The following FAM178B variants were observed in gnomAD, a reference collection of about 807,000 sequenced individuals.
FAM178B encodes family with sequence similarity 178 member B.
FAM178B carries 82 observed loss-of-function variants against 91.7 expected under a neutral mutation model. That is an observed-to-expected ratio of 0.89 (90% CI 0.75 to 1.07). The LOEUF is 1.07. Ranked by LOEUF, FAM178B falls within the 50% of genes least tolerant of loss-of-function variation. FAM178B has a pLI of 0.00. For missense variants in FAM178B, 769 were observed against 846.7 expected (o/e 0.91, Z 1.14); for synonymous variants, 368 against 359.4 (o/e 1.02, Z -0.27).
At chr2:96,951,346 C>G in intron 7 of FAM178B, 33 bp downstream of exon 7, 1 of 1,501,184 alleles carries the variant, frequency 6.7e-7, no homozygotes, top group Non-Finnish European at 9.1e-7. Flanking sequence ...CTGCAGCGCT[C>G]CCGCCACCTA....
At chr2:96,948,676 C>T (rs1019391983) in intron 7 of FAM178B, among the ~76,000 whole-genome samples, 1 of 152,216 alleles carries the variant, frequency 6.6e-6, no homozygotes. Flanking sequence ...GGGCACATCT[C>T]CTTTCAGGAC....
chr2:96,950,055 C>G (rs1222675768), intron 7 of FAM178B: 1 of 985,596 alleles, frequency 1.0e-6, no homozygotes, highest in Non-Finnish European at 1.2e-6. Flanking sequence ...GGGAAAGAGG[C>G]AGGGGAAGGC....
Position 96,972,132 on chromosome 2 carries a change from G to T in FAM178B, c.333C>A (p.Ser111Arg). Residue 111 changes from serine to arginine, a missense_variant, in exon 3 of 17, where the codon AGC becomes AGA. Physicochemically the swap from Ser to Arg is moderately radical, Grantham distance 110 (BLOSUM62 -1). Transcript: ENST00000490605. ...APGETFPTDW[S>R]PPPVEFLNPR... ...GGTTGAGGAATTCCACGGGCGGGGG[G>T]CTCCAGTCAGTGGGAAACGTTTCCC... 1 of 1,531,696 alleles carries T rather than the reference G, an allele frequency of 6.5e-7. No individual in the cohort carries two copies. Among genetic ancestry groups the T allele is most frequent in the Non-Finnish European group, 8.8e-7 (1 of 1,137,570 alleles). The allele number at this position is 1,531,696 out of a possible 1,614,324, so 94.9% of individuals were successfully genotyped here. A position where few individuals can be genotyped will look rare whatever the true frequency, so the allele number is the denominator to read the frequency against.
intron 8 of FAM178B, among the ~76,000 whole-genome samples, chr2:96,940,850 A>C (rs2081717640): frequency 6.6e-6 from 1 of 152,258 alleles, no homozygotes; most frequent in Non-Finnish European, 1.5e-5. Flanking sequence ...ATGAGCTAAA[A>C]CAGAAATATG....
intron 12 of FAM178B, among the ~76,000 whole-genome samples, chr2:96,904,541 ATTTTT>A (rs11284849): frequency 2.1e-5 from 2 of 96,646 alleles, no homozygotes; most frequent in Non-Finnish European, 4.0e-5. Flanking sequence ...ATGCCTGGCT[ATTTTT>A]TTTTTTTTTT....
chr2:96,961,068 C>G (rs1331821339), intron 5 of FAM178B, among the ~76,000 whole-genome samples: 1 of 152,004 alleles, frequency 6.6e-6, no homozygotes, highest in African/African-American at 2.4e-5. Flanking sequence ...GGGCCCGGTC[C>G]GGCCCAGAGA....
chr2:96,897,839 G>T, intron 13 of FAM178B: 1 of 418,886 alleles, frequency 2.4e-6, no homozygotes, highest in Non-Finnish European at 3.2e-6. Flanking sequence ...TCCTTGCAGG[G>T]GCTCCCCACT....
intron 14 of FAM178B, among the ~76,000 whole-genome samples, chr2:96,891,627 G>T (rs1238474830): frequency 6.6e-6 from 1 of 152,240 alleles, no homozygotes; most frequent in East Asian, 1.9e-4. Context: ...CTTGCCAAGG[G>T]ATCAGTGAGG....
chr2:96,920,425 C>A (rs748200408), intron 12 of FAM178B, among the ~76,000 whole-genome samples: 1 of 152,102 alleles, frequency 6.6e-6, no homozygotes, highest in Non-Finnish European at 1.5e-5. Context: ...CACGGTGAAA[C>A]CCTGTCTCCA....
chr2:96,973,724 G>A (rs2082253367), intron 1 of FAM178B, among the ~76,000 whole-genome samples: 1 of 152,114 alleles, frequency 6.6e-6, no homozygotes, highest in Admixed American at 6.5e-5. Context: ...AATGAGGCTG[G>A]GTGCGGTGGC....
chr2:96,893,075 G>T (rs1440014078), intron 14 of FAM178B, among the ~76,000 whole-genome samples: 1 of 152,168 alleles, frequency 6.6e-6, no homozygotes, highest in East Asian at 1.9e-4. Context: ...TCATTTATCT[G>T]ATTTGCAGAG....
chr2:96,903,927 G>A (rs7583821), intron 12 of FAM178B, among the ~76,000 whole-genome samples: 12,864 of 152,164 alleles, frequency 0.085, 1,810 homozygotes, highest in African/African-American at 0.29. Context: ...ACAAAGCAGC[G>A]GACTCTTGGA....
At chr2:96,957,568 C>T (rs72811695) in intron 6 of FAM178B, among the ~76,000 whole-genome samples, 97 of 152,306 alleles carry the variant, frequency 6.4e-4, no homozygotes, top group Non-Finnish European at 1.1e-3. Flanking sequence ...CCCAGGTCAC[C>T]GCTCCATGGG....
At chr2:96,907,047 G>A (rs2081070630) in intron 12 of FAM178B, among the ~76,000 whole-genome samples, 1 of 152,136 alleles carries the variant, frequency 6.6e-6, no homozygotes, top group African/African-American at 2.4e-5. Flanking sequence ...GGGCAGGGTG[G>A]GTCAGGATGG....
chr2:96,878,594 A>C lies in FAM178B; in HGVS notation c.1777-101T>G. ...TCCCCACTCTCAGGCTTGGCAGGCC[A>C]GGCAGGGGCTCAGTCACCCCTAGGC... On this transcript the variant is annotated intron_variant, in intron 14 of 16. Coordinates refer to ENST00000490605, the MANE Select transcript of FAM178B (RefSeq NM_001122646.3). The C allele has an allele frequency of 1.3e-5, 14 of 1,093,742 alleles. No individual in the cohort carries two copies. The South Asian group carries it at 1.7e-4, about 13-fold the overall frequency. 67.8% of individuals were successfully genotyped at this position (1,093,742 alleles called of 1,614,324 possible).
chr2:96,978,774 G>A (rs531275838), intron 1 of FAM178B, among the ~76,000 whole-genome samples: 3 of 151,100 alleles, frequency 2.0e-5, no homozygotes, highest in East Asian at 3.9e-4. Flanking sequence ...ACAGGCGCCC[G>A]CCACCACGCC....
intron 8 of FAM178B, 138 bp downstream of exon 8, chr2:96,947,680 A>C (rs2081852447): frequency 1.8e-6 from 1 of 569,444 alleles, no homozygotes; most frequent in African/African-American, 1.9e-5. Flanking sequence ...TGAGCCAAAG[A>C]TGGCCTGATG....
chr2:96,921,679 G>A, intron 10 of FAM178B, 25 bp from the exon 11 acceptor site: 1 of 1,549,904 alleles, frequency 6.5e-7, no homozygotes, highest in Non-Finnish European at 8.7e-7. Context: ...GAGGGCAGGG[G>A]TGGCCAGGGC....
intron 1 of FAM178B, among the ~76,000 whole-genome samples, chr2:96,975,833 G>A (rs2082280961): frequency 6.6e-6 from 1 of 152,220 alleles, no homozygotes; most frequent in African/African-American, 2.4e-5. Context: ...GTCAATCACA[G>A]TCTAAAAATA....
Sources: allele counts gnomAD v4.1 joint callset (sites outside exome capture counted in the v4.1 genomes callset), GRCh38; gene constraint gnomAD v4.1.1; transcripts MANE v1.5; gene names NCBI Gene and HGNC (gene_info 2026-07-23, HGNC 2026-07-21).